Variants in RALGDS observed in about 807,000 individuals in gnomAD.
The protein encoded by RALGDS is ral guanine nucleotide exchange factor.
In RALGDS, 44 loss-of-function variants were observed where a neutral mutation model predicts 99.8. The observed-to-expected ratio is 0.44, with a 90% CI of 0.35 to 0.57. The LOEUF is 0.57. Ranked by LOEUF, RALGDS falls within the 20% of genes least tolerant of loss-of-function variation. The pLI, the probability that RALGDS is intolerant of heterozygous loss-of-function variation, is 0.01. For synonymous variants in RALGDS, 529 were observed against 505.0 expected (o/e 1.05, Z -0.64); for missense variants, 1,022 against 1,203.1 (o/e 0.85, Z 2.23).
chr9:133,129,311 C>T (rs546621334), intron 1 of RALGDS: 129 of 1,585,998 alleles, frequency 8.1e-5, no homozygotes, highest in Non-Finnish European at 1.0e-4. Flanking sequence ...GCCTGCTTCC[C>T]GGGCCATGGT....
upstream of RALGDS, among the ~76,000 whole-genome samples, chr9:133,134,649 T>C (rs947820134): frequency 2.6e-5 from 4 of 152,168 alleles, no homozygotes; most frequent in Non-Finnish European, 5.9e-5. Context: ...TTGACGCTGC[T>C]GGGACCCTGT....
At chr9:133,132,064 A>T (rs531004491), upstream of RALGDS, among the ~76,000 whole-genome samples, 3 of 152,140 alleles carry the variant, frequency 2.0e-5, no homozygotes, top group African/African-American at 7.2e-5. Context: ...CCATAGCCTG[A>T]CTCCATCCCT....
chr9:133,124,833 C>T (rs1181497794), upstream of RALGDS, among the ~76,000 whole-genome samples: 1 of 152,242 alleles, frequency 6.6e-6, no homozygotes, highest in Non-Finnish European at 1.5e-5. Context: ...CAGCGTGTGT[C>T]ACCAGTGGAG....
chr9:133,106,938 G>A (rs1588521817), intron 7 of RALGDS, 147 bp downstream of exon 7: 12 of 968,664 alleles, frequency 1.2e-5, no homozygotes, highest in Middle Eastern at 3.1e-4. Context: ...AGGAAGACGT[G>A]AGCATCCAGG....
At chr9:133,128,476 C>G in intron 1 of RALGDS, among the ~76,000 whole-genome samples, 1 of 152,166 alleles carries the variant, frequency 6.6e-6, no homozygotes, top group South Asian at 2.1e-4. Context: ...ACATCACACC[C>G]CGAGGGGCCC....
rs976293700 is a variant in RALGDS at position 133,110,496 on chromosome 9, T to A, written c.295-7A>T. On this transcript the variant is annotated splice_region_variant and splice_polypyrimidine_tract_variant and intron_variant, in intron 2 of 17. Transcript: ENST00000372050. ...GGGCCGACTCATTCTCATACTGGGG[T>A]GGGACAGAGGAGGGACAGACAGTCA... The A allele has an allele frequency of 7.5e-6, 12 of 1,608,628 alleles. No individual in the cohort carries two copies. The highest frequency in any genetic ancestry group is 1.6e-4 in the Middle Eastern group (1 of 6,068).
chr9:133,101,349 C>A, intron 16 of RALGDS, 171 bp downstream of exon 16: 1 of 1,505,630 alleles, frequency 6.6e-7, no homozygotes, highest in Admixed American at 1.7e-5. Flanking sequence ...CCTCTGCCCT[C>A]AGGCCAGCCT....
intron 4 of RALGDS, 50 bp from the exon 5 acceptor site, chr9:133,108,916 C>A (rs781067830): frequency 8.5e-6 from 13 of 1,537,416 alleles, no homozygotes; most frequent in Non-Finnish European, 1.1e-5. Context: ...CTCCCCTGAG[C>A]CAGGCTGGGC....
At chr9:133,120,481 A>G (rs1254789307) in intron 1 of RALGDS, among the ~76,000 whole-genome samples, 2 of 109,080 alleles carry the variant, frequency 1.8e-5, no homozygotes, top group African/African-American at 7.2e-5. Flanking sequence ...CACCAGATCC[A>G]CATCTGCCCC....
chr9:133,105,190 C>A (rs1466545759), intron 9 of RALGDS, among the ~76,000 whole-genome samples: 1 of 152,188 alleles, frequency 6.6e-6, no homozygotes, highest in Non-Finnish European at 1.5e-5. Context: ...CTGTAGGGAA[C>A]TCTGTGTGTG....
Position 133,098,331 on chromosome 9 carries a change from A to T in RALGDS, c.*256T>A. 1.9e-6 allele frequency: 1 copy of T among 539,844 alleles called. No individual in the cohort carries two copies. The highest frequency in any genetic ancestry group is 3.4e-6 in the Non-Finnish European group (1 of 297,470). 33.4% of individuals were successfully genotyped at this position (539,844 alleles called of 1,614,324 possible). On this transcript the variant is annotated 3_prime_UTR_variant, in exon 18 of 18. Transcript: ENST00000372050. ...AGGGCACCATGCCATGCCCGTTGGC[A>T]CTGCTCCTTGGCAAAAGTCAGCTAG...
rs1470073438 is a variant in RALGDS, at chr9:133,106,737, G to C, written c.1425C>G (p.Ile475Met). The change falls in exon 8 of 18, where the codon ATC (isoleucine) becomes ATG (methionine). Residue 475 changes from isoleucine to methionine, a missense_variant. Physicochemically the swap from Ile to Met is conservative, Grantham distance 10. Coordinates refer to ENST00000372050, the MANE Select transcript of RALGDS (RefSeq NM_006266.4). ...HWIEVARECR[I>M]LKNFSSLYAI... ...CATACAGTGACGAGAAGTTCTTGAGGATCCGGCACTCCTGGGGCGGGAAGA... is the reference window on the plus strand; with the variant it reads ...CATACAGTGACGAGAAGTTCTTGAGCATCCGGCACTCCTGGGGCGGGAAGA... 4 of 1,610,792 alleles carry C rather than the reference G, an allele frequency of 2.5e-6. No individual in the cohort carries two copies. Among genetic ancestry groups the C allele is most frequent in the Non-Finnish European group, 3.4e-6 (4 of 1,177,960 alleles).
chr9:133,119,466 A>C (rs111250658), intron 1 of RALGDS, among the ~76,000 whole-genome samples: 1 of 152,108 alleles, frequency 6.6e-6, no homozygotes, highest in African/African-American at 2.4e-5. Flanking sequence ...GAGGCTGGGC[A>C]AGGAGCGCCA....
At chr9:133,149,011 AG>A in exon 1 of RALGDS, 1 of 1,551,222 alleles carries the variant, frequency 6.4e-7, no homozygotes, top group East Asian at 2.5e-5. Flanking sequence ...CGCCGGCCCC[AG>A]GGCGGGACCC....
At chr9:133,107,327 G>A (rs761990543) in intron 6 of RALGDS, 27 bp from the exon 7 acceptor site, 6 of 1,581,000 alleles carry the variant, frequency 3.8e-6, no homozygotes, top group East Asian at 2.3e-5. Flanking sequence ...ATGTCACCTG[G>A]TCCTGCCCCA....
chr9:133,111,794 G>C lies in RALGDS; in HGVS notation c.294+248C>G, dbSNP rs1008655772. ...TGAAGCCCTTTTGTCCTTGGGTGAA[G>C]ACAGCCCCACTACTCCAGATGGTGT... On this transcript the variant is annotated intron_variant, in intron 2 of 17. Coordinates refer to ENST00000372050, the MANE Select transcript of RALGDS (RefSeq NM_006266.4). Among the ~76,000 whole-genome samples, 7 of 152,230 alleles carry C rather than the reference G, an allele frequency of 4.6e-5. 1 individual carries two copies. The highest frequency in any genetic ancestry group is 7.3e-5 in the Non-Finnish European group (5 of 68,042).
rs1249081314 is a variant in RALGDS at position 133,112,027 on chromosome 9, C to T, written c.294+15G>A. The T allele has an allele frequency of 1.3e-6, 2 of 1,551,546 alleles. No individual in the cohort carries two copies. Among genetic ancestry groups the T allele is most frequent in the East Asian group, 2.4e-5 (1 of 41,472 alleles). Reference sequence around the variant, plus strand: ...CCCAGCTGCGTCTCCCAGTGGAGACCCCGAGCGCACTCACCCCGAGCCAGC... The same window carrying T: ...CCCAGCTGCGTCTCCCAGTGGAGACTCCGAGCGCACTCACCCCGAGCCAGC... On this transcript the variant is annotated intron_variant, in intron 2 of 17. Coordinates refer to ENST00000372050, the MANE Select transcript of RALGDS (RefSeq NM_006266.4).
At chr9:133,100,592 C>T in intron 16 of RALGDS, 1 of 1,437,390 alleles carries the variant, frequency 7.0e-7, no homozygotes, top group South Asian at 1.4e-5. Flanking sequence ...GTGAGGCCTC[C>T]ATGGAATGAG....
At position 133,100,272 on chromosome 9, in the gene RALGDS, G is replaced by A. The variant is rs1430786986; in HGVS notation, c.2565C>T (p.Asp855=). ...DYELLQILSD[D]RKLKIPENAN... ...CCCTCTGGTCTTCTGACTTACTCCG[G>A]TCATCTGAGAGAATCTGCAGCAGCT... Residue 855 remains aspartate, a synonymous_variant, in exon 17 of 18, where the codon GAC becomes GAT. Coordinates refer to ENST00000372050, the MANE Select transcript of RALGDS (RefSeq NM_006266.4). 3 of 1,613,942 alleles carry A rather than the reference G, an allele frequency of 1.9e-6. No individual in the cohort carries two copies. The highest frequency in any genetic ancestry group is 2.7e-5 in the African/African-American group (2 of 74,916).
Sources: gnomAD v4.1 joint callset for allele counts (sites outside exome capture counted in the v4.1 genomes callset) on GRCh38, gnomAD v4.1.1 for gene constraint, MANE v1.5 for transcripts, NCBI Gene and HGNC (gene_info 2026-07-23, HGNC 2026-07-21) for gene names.